The following APP variants were observed in gnomAD, a reference collection of about 807,000 sequenced individuals.
APP encodes amyloid beta precursor protein.
A neutral mutation model predicts 101.4 loss-of-function variants in APP; 31 were observed. The ratio of observed to expected loss-of-function variants is 0.31; its 90% CI spans 0.23 to 0.41. The LOEUF (loss-of-function observed/expected upper bound fraction) is 0.41, where lower values mean the gene tolerates loss of function less well. APP is among the 10% of genes least tolerant of loss of function. APP has a pLI of 1.00. For missense variants in APP, 839 were observed against 1,003.7 expected, an observed-to-expected ratio of 0.84 and a Z score of 2.22; for synonymous variants, 366 against 364.4, an observed-to-expected ratio of 1.00 and a Z score of -0.05.
chr21:25,949,724 C>T (rs1280591371), intron 13 of APP, among the ~76,000 whole-genome samples: 4 of 152,100 alleles, frequency 2.6e-5, no homozygotes, highest in African/African-American at 9.7e-5. Context: ...GAGATATAAA[C>T]AAATAATTTA....
At position 26,151,831 on chromosome 21, in the gene APP, G is replaced by A. The variant is rs146949517; in HGVS notation, c.57+18733C>T. 4.8e-3 allele frequency among the ~76,000 whole-genome samples: 729 copies of A among 152,216 alleles called. 8 individuals carry two copies. The highest frequency in any genetic ancestry group is 0.017 in the African/African-American group (692 of 41,516). ...CAAAGCTCCTAACACGCCACAGACC[G>A]GTACCAGTCCATGGCCCAGGGGTTA... On this transcript the variant is annotated intron_variant, in intron 1 of 17. Coordinates refer to ENST00000346798, the MANE Select transcript of APP (RefSeq NM_000484.4).
At chr21:26,029,861 G>A (rs1317236649) in intron 5 of APP, among the ~76,000 whole-genome samples, 2 of 152,102 alleles carry the variant, frequency 1.3e-5, no homozygotes, top group African/African-American at 4.8e-5. Context: ...GCCTAAATAC[G>A]GATTGTAAAA....
At chr21:26,080,316 A>G (rs1450806144) in intron 3 of APP, among the ~76,000 whole-genome samples, 1 of 152,194 alleles carries the variant, frequency 6.6e-6, no homozygotes, top group East Asian at 1.9e-4. Flanking sequence ...GTCTAACTCA[A>G]ATAGTGCTGG....
At chr21:26,108,241 A>ATG (rs2062228914) in intron 2 of APP, among the ~76,000 whole-genome samples, 1 of 152,252 alleles carries the variant, frequency 6.6e-6, no homozygotes, top group Admixed American at 6.5e-5. Context: ...TTAATCACAT[A>ATG]GTTACAACTC....
chr21:26,092,007 C>G (rs1174625814), intron 2 of APP, among the ~76,000 whole-genome samples: 1 of 152,094 alleles, frequency 6.6e-6, no homozygotes, highest in African/African-American at 2.4e-5. Context: ...TTAATAATCC[C>G]TTATCTTTGA....
intron 1 of APP, among the ~76,000 whole-genome samples, chr21:26,166,678 AC>A (rs1365613411): frequency 6.6e-6 from 1 of 152,212 alleles, no homozygotes; most frequent in Admixed American, 6.5e-5. Flanking sequence ...CCAGACAAAA[AC>A]AAAACACAAA....
At chr21:25,888,932 G>C (rs1300726741) in intron 17 of APP, among the ~76,000 whole-genome samples, 1 of 152,208 alleles carries the variant, frequency 6.6e-6, no homozygotes, top group African/African-American at 2.4e-5. Context: ...AAATCCGACT[G>C]CACATCTCAT....
At chr21:26,103,672 C>T (rs1041229163) in intron 2 of APP, among the ~76,000 whole-genome samples, 5 of 152,162 alleles carry the variant, frequency 3.3e-5, no homozygotes, top group Admixed American at 2.0e-4. Context: ...AGTATAGGCT[C>T]CATTTTATGG....
chr21:25,883,955 T>C (rs1386625514), intron 17 of APP, among the ~76,000 whole-genome samples: 1 of 152,094 alleles, frequency 6.6e-6, no homozygotes, highest in Non-Finnish European at 1.5e-5. Flanking sequence ...CTCGGCTCAC[T>C]GCAACCTCTG....
intron 13 of APP, chr21:25,945,476 C>G (rs1022474079): frequency 2.8e-5 from 4 of 145,200 alleles, no homozygotes; most frequent in African/African-American, 5.1e-5. Context: ...ACTCCGGATA[C>G]TCAAAGTAAT....
At chr21:26,097,796 A>G (rs1225090868) in intron 2 of APP, among the ~76,000 whole-genome samples, 2 of 152,134 alleles carry the variant, frequency 1.3e-5, no homozygotes, top group African/African-American at 4.8e-5. Flanking sequence ...TTAAGAGTGC[A>G]TAGGCCGGGC....
At chr21:25,988,427 T>A (rs192472242) in intron 8 of APP, among the ~76,000 whole-genome samples, 1 of 152,060 alleles carries the variant, frequency 6.6e-6, no homozygotes. Flanking sequence ...ACAGGCTGGG[T>A]GCAGTGGCTC....
At chr21:25,987,583 T>G (rs747724808) in intron 8 of APP, among the ~76,000 whole-genome samples, 38 of 152,198 alleles carry the variant, frequency 2.5e-4, no homozygotes, top group Non-Finnish European at 5.0e-4. Context: ...TGAAAAAATG[T>G]AACAGAAAAG....
intron 3 of APP, among the ~76,000 whole-genome samples, chr21:26,059,171 T>C (rs1056359863): frequency 6.6e-6 from 1 of 152,088 alleles, no homozygotes; most frequent in African/African-American, 2.4e-5. Flanking sequence ...TAGATTAATG[T>C]AAAAGATTCT....
At chr21:26,080,769 CAAAAAAAAAAAAAAAGA>C (rs1370190690) in intron 3 of APP, among the ~76,000 whole-genome samples, 2 of 95,846 alleles carry the variant, frequency 2.1e-5, no homozygotes, top group Non-Finnish European at 2.1e-5. Flanking sequence ...GACTCTATCT[CAAAAAAAAAAAAAAAGA>C]AAAAAAAATC....
At chr21:26,124,363 T>C (rs1192238973) in intron 1 of APP, among the ~76,000 whole-genome samples, 4 of 152,204 alleles carry the variant, frequency 2.6e-5, no homozygotes, top group African/African-American at 7.2e-5. Context: ...AGGCTCCTCC[T>C]AGAAAACAAG....
intron 14 of APP, among the ~76,000 whole-genome samples, chr21:25,909,887 T>A (rs1569041603): frequency 6.6e-6 from 1 of 152,192 alleles, no homozygotes; most frequent in Non-Finnish European, 1.5e-5. Flanking sequence ...ATTATTTTCA[T>A]AAATGGTAAA....
rs1246702330 is a variant in APP at position 26,062,459 on chromosome 21, T to G, written c.356-9111A>C. 3.3e-5 allele frequency among the ~76,000 whole-genome samples: 5 copies of G among 151,900 alleles called. No homozygotes were observed. In the East Asian group the frequency reaches 9.8e-4, roughly 30 times the overall value. ...AAGTGGATCACCTGAGGTCAGGAGT[T>G]CGAGACCAGCCTGGCTAACATGGTG... On this transcript the variant is annotated intron_variant, in intron 3 of 17. Coordinates refer to ENST00000346798, the MANE Select transcript of APP (RefSeq NM_000484.4).
chr21:26,118,624 C>A (rs1469335709), intron 1 of APP, among the ~76,000 whole-genome samples: 2 of 152,142 alleles, frequency 1.3e-5, no homozygotes, highest in Non-Finnish European at 2.9e-5. Flanking sequence ...GTGATCTCGG[C>A]TCACCGCAAC....
Sources: allele counts gnomAD v4.1 joint callset (sites outside exome capture counted in the v4.1 genomes callset), GRCh38; gene constraint gnomAD v4.1.1; transcripts MANE v1.5; gene names NCBI Gene and HGNC (gene_info 2026-07-23, HGNC 2026-07-21).